The following TOM1L2 variants were observed in gnomAD, a reference collection of about 807,000 sequenced individuals.
The protein encoded by TOM1L2 is TOM1-like protein 2.
TOM1L2 carries 31 observed loss-of-function variants against 67.9 expected under a neutral mutation model. The observed-to-expected ratio is 0.46, with a 90% CI of 0.34 to 0.62. TOM1L2 has a LOEUF of 0.62. Among genes scored for constraint, TOM1L2 ranks in the 20% least tolerant of loss-of-function variants. The pLI is 0.01. For synonymous variants in TOM1L2, 256 were observed against 254.0 expected (o/e 1.01, Z -0.07); for missense variants, 606 against 663.5 (o/e 0.91, Z 0.95).
rs547492893 is a variant in TOM1L2, at chr17:17,908,635, T to C, written c.53-1104A>G. Among the ~76,000 whole-genome samples, 5 of 152,236 alleles carry C rather than the reference T, an allele frequency of 3.3e-5. No homozygotes were observed. The South Asian group carries it at 1.0e-3, about 32-fold the overall frequency. The stretch of plus-strand genomic sequence containing the variant: ...ATTAAAAAATGGGAAAGGACTTCAA[T>C]AGACATTTCTCCAAAGAAGATATAT... On this transcript the variant is annotated intron_variant, in intron 1 of 14. Transcript: ENST00000379504.
intron 12 of TOM1L2, chr17:17,857,817 C>A: frequency 1.3e-6 from 2 of 1,535,586 alleles, no homozygotes; most frequent in Admixed American, 2.0e-5. Context: ...GGTCAGACTC[C>A]CCACCTCTAC....
chr17:17,916,365 G>GC (rs1320198134), intron 1 of TOM1L2, among the ~76,000 whole-genome samples: 1 of 152,108 alleles, frequency 6.6e-6, no homozygotes, highest in Non-Finnish European at 1.5e-5. Flanking sequence ...GAATCACCGC[G>GC]CCCGGCCTAT....
intron 1 of TOM1L2, among the ~76,000 whole-genome samples, chr17:17,955,336 T>G (rs1404492170): frequency 6.1e-5 from 9 of 147,086 alleles, no homozygotes; most frequent in East Asian, 2.0e-4. Flanking sequence ...TTTTTTTTTT[T>G]TTTTTTTTTT....
chr17:17,875,102 C>CA (rs1315212954), intron 7 of TOM1L2, among the ~76,000 whole-genome samples: 1 of 151,866 alleles, frequency 6.6e-6, no homozygotes, highest in Non-Finnish European at 1.5e-5. Flanking sequence ...ACTAAAAATA[C>CA]AAAAATTAGC....
intron 12 of TOM1L2, chr17:17,858,832 C>A (rs1202095108): frequency 6.6e-6 from 1 of 152,292 alleles, no homozygotes; most frequent in Non-Finnish European, 1.5e-5. Flanking sequence ...CCACCCACCT[C>A]AGCCTCTCAA....
At chr17:17,869,017 T>TC in intron 8 of TOM1L2, 2 of 249,570 alleles carry the variant, frequency 8.0e-6, no homozygotes, top group Non-Finnish European at 7.6e-6. Flanking sequence ...GCAGAAGCTC[T>TC]GGGGCCCAGA....
chr17:17,968,057 C>T (rs768253550), intron 1 of TOM1L2, among the ~76,000 whole-genome samples: 8 of 152,168 alleles, frequency 5.3e-5, no homozygotes, highest in Non-Finnish European at 8.8e-5. Context: ...TCTACTAAAT[C>T]GTACCAGGTT....
intron 12 of TOM1L2, among the ~76,000 whole-genome samples, chr17:17,852,509 C>T (rs2036029478): frequency 6.6e-6 from 1 of 152,240 alleles, no homozygotes; most frequent in South Asian, 2.1e-4. Flanking sequence ...CCAAGCCAGT[C>T]ACTGATCAGA....
chr17:17,898,378 C>T (rs1047854060), intron 3 of TOM1L2, among the ~76,000 whole-genome samples: 2 of 152,152 alleles, frequency 1.3e-5, no homozygotes, highest in Non-Finnish European at 2.9e-5. Context: ...ATCTTCTGCT[C>T]GTATACATTT....
At chr17:17,910,620 A>G (rs2039304081) in intron 1 of TOM1L2, among the ~76,000 whole-genome samples, 1 of 152,052 alleles carries the variant, frequency 6.6e-6, no homozygotes, top group African/African-American at 2.4e-5. Flanking sequence ...TGCAGGCTGG[A>G]GCGCAATGGT....
At position 17,967,751 on chromosome 17, in the gene TOM1L2, G is replaced by A. The variant is rs564631069; in HGVS notation, c.52+4511C>T. On this transcript the variant is annotated intron_variant, in intron 1 of 14. Coordinates refer to ENST00000379504, the MANE Select transcript of TOM1L2 (RefSeq NM_001082968.2). ...GCCTCCCGAGTAGCTGGGATTATACGCGCGTGCCACCATGCCCAGCTAATT... is the reference window on the plus strand; with the variant it reads ...GCCTCCCGAGTAGCTGGGATTATACACGCGTGCCACCATGCCCAGCTAATT... 5.3e-5 allele frequency among the ~76,000 whole-genome samples: 8 copies of A among 152,130 alleles called. 1 individual carries two copies. The highest frequency in any genetic ancestry group is 1.9e-4 in the East Asian group (1 of 5,170).
At chr17:17,872,091 A>G in intron 7 of TOM1L2, 1 of 974,108 alleles carries the variant, frequency 1.0e-6, no homozygotes. Flanking sequence ...ACAGGCGCCA[A>G]TGGACACTCA....
chr17:17,917,090 G>A (rs544350398), intron 1 of TOM1L2, among the ~76,000 whole-genome samples: 109 of 152,256 alleles, frequency 7.2e-4, no homozygotes, highest in Non-Finnish European at 1.3e-3. Context: ...AACTCAGCAG[G>A]CAGAGGTTGC....
chr17:17,868,064 C>T (rs1174491327), intron 8 of TOM1L2, among the ~76,000 whole-genome samples: 1 of 152,190 alleles, frequency 6.6e-6, no homozygotes, highest in Non-Finnish European at 1.5e-5. Context: ...TATTAGTTAG[C>T]TCCTGTTATG....
At chr17:17,890,838 T>C (rs1314889954) in intron 4 of TOM1L2, among the ~76,000 whole-genome samples, 1 of 152,190 alleles carries the variant, frequency 6.6e-6, no homozygotes, top group Admixed American at 6.5e-5. Flanking sequence ...ATTTCCTGTA[T>C]ATATATTATA....
rs556466508 is a variant in TOM1L2 at position 17,864,074 on chromosome 17, G to T, written c.1085-1226C>A. ...AGTAGAGATGAGGTTTTGCTATGTT[G>T]CCCAGGCTGGTCTTGAACTCCTGGA... On this transcript the variant is annotated intron_variant, in intron 10 of 14. Coordinates refer to ENST00000379504, the MANE Select transcript of TOM1L2 (RefSeq NM_001082968.2). 3.9e-5 allele frequency among the ~76,000 whole-genome samples: 6 copies of T among 152,216 alleles called. No homozygotes were observed. In the East Asian group the frequency reaches 1.2e-3, roughly 29 times the overall value.
At chr17:17,967,266 A>G (rs904950528) in intron 1 of TOM1L2, among the ~76,000 whole-genome samples, 1 of 152,260 alleles carries the variant, frequency 6.6e-6, no homozygotes, top group Non-Finnish European at 1.5e-5. Context: ...TTATTAAAGC[A>G]GAACAATGAA....
intron 3 of TOM1L2, among the ~76,000 whole-genome samples, 193 bp from the exon 4 acceptor site, chr17:17,894,003 C>A (rs2038428215): frequency 6.6e-6 from 1 of 152,178 alleles, no homozygotes; most frequent in African/African-American, 2.4e-5. Context: ...ATGACAGCAG[C>A]CCCTTACTGA....
intron 7 of TOM1L2, 139 bp from the exon 8 acceptor site, chr17:17,869,612 A>G: frequency 7.1e-7 from 1 of 1,409,568 alleles, no homozygotes; most frequent in Non-Finnish European, 9.2e-7. Context: ...CATGTGCCGA[A>G]TTCAAAGTAG....
Sources: allele counts gnomAD v4.1 joint callset (sites outside exome capture counted in the v4.1 genomes callset), GRCh38; gene constraint gnomAD v4.1.1; transcripts MANE v1.5; gene names NCBI Gene and HGNC (gene_info 2026-07-23, HGNC 2026-07-21).